KLF15: variants seen among roughly 807,000 people sequenced by gnomAD.
KLF15 encodes KLF transcription factor 15.
KLF15 carries 4 observed loss-of-function variants against 24.6 expected under a neutral mutation model. That is an observed-to-expected ratio of 0.16 (90% confidence interval 0.08 to 0.37). The LOEUF (loss-of-function observed/expected upper bound fraction) is 0.37, where lower values mean the gene tolerates loss of function less well. Ranked by LOEUF, KLF15 falls within the 10% of genes least tolerant of loss-of-function variation. The pLI is 1.00. For missense variants in KLF15, 496 were observed against 560.6 expected, an observed-to-expected ratio of 0.88 and a Z score of 1.16; for synonymous variants, 246 against 236.3, an observed-to-expected ratio of 1.04 and a Z score of -0.37.
downstream of KLF15, among the ~76,000 whole-genome samples, chr3:126,341,014 C>T (rs961556713): frequency 2.6e-5 from 4 of 152,188 alleles, no homozygotes; most frequent in Non-Finnish European, 4.4e-5. Context: ...CTCTGCAGGG[C>T]GAAGGAGCTG....
chr3:126,300,700 C>T, the KLF15 span, among the ~76,000 whole-genome samples: 1 of 152,370 alleles, frequency 6.6e-6, no homozygotes, highest in Middle Eastern at 3.4e-3. Context: ...GCTGCAGCGA[C>T]TTCCTCCACA....
the KLF15 span, among the ~76,000 whole-genome samples, chr3:126,298,436 A>ATTATTG: frequency 1.3e-5 from 2 of 150,200 alleles, no homozygotes; most frequent in Non-Finnish European, 3.0e-5. Flanking sequence ...TATTATTATT[A>ATTATTG]TTATTATTAG....
the KLF15 span, among the ~76,000 whole-genome samples, chr3:126,300,312 T>C: frequency 6.6e-6 from 1 of 152,170 alleles, no homozygotes; most frequent in Non-Finnish European, 1.5e-5. Context: ...CCTGTGCCTA[T>C]AACAACTGGA....
At chr3:126,291,504 G>C in the KLF15 span, among the ~76,000 whole-genome samples, 1 of 152,250 alleles carries the variant, frequency 6.6e-6, no homozygotes, top group African/African-American at 2.4e-5. Flanking sequence ...ATAAATTAAA[G>C]AGTGTTCTTT....
chr3:126,307,219 C>A, the KLF15 span, among the ~76,000 whole-genome samples: 1 of 152,184 alleles, frequency 6.6e-6, no homozygotes. Context: ...TCCCCTCCCC[C>A]ACTCCCAAAG....
At chr3:126,305,648 A>C in the KLF15 span, among the ~76,000 whole-genome samples, 1 of 152,026 alleles carries the variant, frequency 6.6e-6, no homozygotes, top group Non-Finnish European at 1.5e-5. Context: ...GAGACTGGGA[A>C]AGGAATGAGC....
the KLF15 span, among the ~76,000 whole-genome samples, chr3:126,308,175 G>T: frequency 1.3e-5 from 2 of 152,212 alleles, no homozygotes; most frequent in African/African-American, 4.8e-5. Context: ...GAAGCGCGCT[G>T]CCCTGGCAAC....
At chr3:126,320,617 C>T in the KLF15 span, among the ~76,000 whole-genome samples, 1 of 152,216 alleles carries the variant, frequency 6.6e-6, no homozygotes, top group Non-Finnish European at 1.5e-5. Context: ...GTATTGCATA[C>T]ATGCGTGCAG....
rs764007077 is a variant in KLF15 at position 126,352,935 on chromosome 3, G to T, written c.-13C>A. 1 of 1,584,152 alleles carries T rather than the reference G, an allele frequency of 6.3e-7. No individual in the cohort carries two copies. Among genetic ancestry groups the T allele is most frequent in the East Asian group, 2.2e-5 (1 of 44,578 alleles). On this transcript the variant is annotated 5_prime_UTR_variant, in exon 2 of 3. Transcript: ENST00000296233. Reference sequence around the variant, plus strand: ...AGTGGTCCACCATGCTGGCCTGGCCGTGCCGGTGGCGGCTGCAGGAAAGGA... The same window carrying T: ...AGTGGTCCACCATGCTGGCCTGGCCTTGCCGGTGGCGGCTGCAGGAAAGGA...
rs1576581290 is a variant in KLF15 at position 126,343,159 on chromosome 3, C to G, written c.*568G>C. The G allele has an allele frequency of 7.1e-5, 1 of 14,026 alleles. No individual in the cohort carries two copies. The highest frequency in any genetic ancestry group is 2.3e-4 in the African/African-American group (1 of 4,290). The allele number at this position is 14,026 out of a possible 1,614,324, so 0.9% of individuals were successfully genotyped here. A position where few individuals can be genotyped will look rare whatever the true frequency, so the allele number is the denominator to read the frequency against. ...GCCCAGCGGCCCGGTCCTGCCCCCCCCCCCCCCCCCCCCCCCCCCCGGCTC... is the reference window on the plus strand; with the variant it reads ...GCCCAGCGGCCCGGTCCTGCCCCCCGCCCCCCCCCCCCCCCCCCCCGGCTC... On this transcript the variant is annotated 3_prime_UTR_variant, in exon 3 of 3. Coordinates refer to ENST00000296233, the MANE Select transcript of KLF15 (RefSeq NM_014079.4).
the KLF15 span, among the ~76,000 whole-genome samples, chr3:126,309,330 C>T: frequency 6.6e-6 from 1 of 152,192 alleles, no homozygotes; most frequent in East Asian, 1.9e-4. Context: ...CTGCTCATAC[C>T]ACAATGCGTG....
At chr3:126,297,654 A>G in the KLF15 span, among the ~76,000 whole-genome samples, 2 of 152,130 alleles carry the variant, frequency 1.3e-5, no homozygotes, top group African/African-American at 2.4e-5. Context: ...ATGCCTTCGC[A>G]TCCTCATAGC....
At chr3:126,328,191 C>A in the KLF15 span, among the ~76,000 whole-genome samples, 1 of 152,154 alleles carries the variant, frequency 6.6e-6, no homozygotes, top group African/African-American at 2.4e-5. Context: ...TTTGGTTTTC[C>A]ATTCCTGAGT....
chr3:126,300,509 T>A, the KLF15 span, among the ~76,000 whole-genome samples: 2 of 152,186 alleles, frequency 1.3e-5, no homozygotes, highest in African/African-American at 4.8e-5. Flanking sequence ...TGGACAGGCA[T>A]CCTCCCATGG....
In KLF15 at chr3:126,343,871, C is replaced by CT; in HGVS notation, c.1106_1107insA (p.Arg370AlafsTer52). The CT allele has an allele frequency of 6.3e-7, 1 of 1,597,446 alleles. No homozygotes were observed. On this transcript the variant is annotated frameshift_variant, in exon 3 of 3. Coordinates refer to ENST00000296233, the MANE Select transcript of KLF15 (RefSeq NM_014079.4). LOFTEE classifies it high-confidence loss of function. ...CACCTGAGTGCGAGCGCCTGTGCCG[C>CT]GACAGCTCGTCAGAGCGCGAGAACC...
chr3:126,344,966 G>A (rs1481243303), intron 2 of KLF15, among the ~76,000 whole-genome samples: 1 of 152,018 alleles, frequency 6.6e-6, no homozygotes, highest in East Asian at 1.9e-4. Context: ...CCCCTGGCTT[G>A]GCAGCAGGTC....
chr3:126,316,646 A>G, the KLF15 span, among the ~76,000 whole-genome samples: 19 of 129,586 alleles, frequency 1.5e-4, no homozygotes, highest in African/African-American at 3.5e-4. Context: ...TGCATGGGCC[A>G]GAGTAGGGAA....
intron 2 of KLF15, among the ~76,000 whole-genome samples, chr3:126,344,528 A>AG (rs1221119032): frequency 6.6e-6 from 1 of 152,204 alleles, no homozygotes; most frequent in Non-Finnish European, 1.5e-5. Flanking sequence ...CCCAGTGTGC[A>AG]GGGGTCTCTG....
rs1365920266 is a variant in KLF15, at chr3:126,343,656, A to T, written c.*71T>A. Reference sequence around the variant, plus strand: ...CATGTCCCTCTGGAGGAGGCAAATAAATTATTGCTTAAAAAAATGGGGATG... The same window carrying T: ...CATGTCCCTCTGGAGGAGGCAAATATATTATTGCTTAAAAAAATGGGGATG... On this transcript the variant is annotated 3_prime_UTR_variant, in exon 3 of 3. Transcript: ENST00000296233. 6.7e-7 allele frequency: 1 copy of T among 1,482,992 alleles called. No homozygotes were observed. The highest frequency in any genetic ancestry group is 9.2e-7 in the Non-Finnish European group (1 of 1,088,106). 91.9% of individuals were successfully genotyped at this position (1,482,992 alleles called of 1,614,324 possible).
Sources: allele counts gnomAD v4.1 joint callset (sites outside exome capture counted in the v4.1 genomes callset), GRCh38; gene constraint gnomAD v4.1.1; transcripts MANE v1.5; gene names NCBI Gene and HGNC (gene_info 2026-07-23, HGNC 2026-07-21).